CDH11: variants seen among roughly 807,000 people sequenced by gnomAD.
The protein encoded by CDH11 is cadherin-11.
In CDH11, 11 loss-of-function variants were observed where a neutral mutation model predicts 67.8. The ratio of observed to expected loss-of-function variants is 0.16; its 90% confidence interval spans 0.10 to 0.27. The LOEUF (loss-of-function observed/expected upper bound fraction) is 0.27, where lower values mean the gene tolerates loss of function less well. Ranked by LOEUF, CDH11 falls within the 10% of genes least tolerant of loss-of-function variation. The pLI is 1.00. For synonymous variants in CDH11, 419 were observed against 400.0 expected (o/e 1.05, Z -0.57); for missense variants, 847 against 1,031.2 (o/e 0.82, Z 2.45).
In CDH11 at chr16:64,979,574, G is replaced by T. The variant is rs183682479; in HGVS notation, c.1253+2474C>A. ...AGCTATAATGAAAAGAGGCAAAAAA[G>T]TGTTGGTGAGAATGTGGAGAAACTG... is the stretch of plus-strand genomic sequence containing the variant. On this transcript the variant is annotated intron_variant, in intron 8 of 12. Transcript: ENST00000268603. Among the ~76,000 whole-genome samples, 20 of 151,816 alleles carry T rather than the reference G, an allele frequency of 1.3e-4. 1 individual carries two copies. The highest frequency in any genetic ancestry group is 4.4e-4 in the African/African-American group (18 of 41,130).
At chr16:64,961,210 A>C (rs925442948) in intron 11 of CDH11, among the ~76,000 whole-genome samples, 3 of 152,202 alleles carry the variant, frequency 2.0e-5, no homozygotes, top group Non-Finnish European at 2.9e-5. Flanking sequence ...AGAAGCATCA[A>C]GGACGGAGAA....
intron 12 of CDH11, among the ~76,000 whole-genome samples, chr16:64,949,721 T>C (rs1488252891): frequency 1.3e-5 from 2 of 152,160 alleles, no homozygotes; most frequent in Non-Finnish European, 2.9e-5. Context: ...CTACTGCGCC[T>C]GGCCCATGTC....
chr16:65,030,651 A>G lies in CDH11; in HGVS notation c.-173+23153T>C, dbSNP rs2142618163. ...AGTGGGGCCGTTTCGGCTCACTGCA[A>G]CCTCTGCCTCCAAGGCTCAAGTGAT... is the stretch of plus-strand genomic sequence containing the variant. On this transcript the variant is annotated intron_variant, in intron 2 of 12. Coordinates refer to ENST00000268603, the MANE Select transcript of CDH11 (RefSeq NM_001797.4). Among the ~76,000 whole-genome samples the G allele has an allele frequency of 1.3e-5, 2 of 152,232 alleles. 1 individual carries two copies. The highest frequency in any genetic ancestry group is 4.1e-4 in the South Asian group (2 of 4,826).
intron 2 of CDH11, among the ~76,000 whole-genome samples, chr16:65,026,076 A>C (rs1388440600): frequency 6.6e-6 from 1 of 152,166 alleles, no homozygotes; most frequent in East Asian, 1.9e-4. Context: ...TTCTGGTCAG[A>C]TGAGTCCCAG....
rs995229340 is a variant in CDH11, at chr16:65,121,599, C to A, written c.-298+281G>T. 1.3e-5 allele frequency among the ~76,000 whole-genome samples: 2 copies of A among 152,178 alleles called. No individual in the cohort carries two copies. Among genetic ancestry groups the A allele is most frequent in the African/African-American group, 4.8e-5 (2 of 41,458 alleles). ...CCCTCTGCTGTGGCCTCGGCGCAGACCCCACAGGAGGCCGGAGCCAGGGAG... is the reference window on the plus strand; with the variant it reads ...CCCTCTGCTGTGGCCTCGGCGCAGAACCCACAGGAGGCCGGAGCCAGGGAG... On this transcript the variant is annotated intron_variant, in intron 1 of 12. Coordinates refer to ENST00000268603, the MANE Select transcript of CDH11 (RefSeq NM_001797.4). This position sits in a 1 kb window ranked among gnomAD's most constrained non-coding sequence, Gnocchi z 4.1.
intron 12 of CDH11, chr16:64,948,811 T>G (rs1395172657): frequency 6.5e-7 from 1 of 1,532,226 alleles, no homozygotes; most frequent in Non-Finnish European, 8.8e-7. Context: ...TCAGAGTCAT[T>G]TATAAGGAAA....
rs139049824 is a variant in CDH11 at position 64,963,474 on chromosome 16, T to C, written c.1642+8105A>G. ...AAGAACTGTGAAACTATAAAAGGTGTAATATATATGTGATGATAATACCAG... is the reference window on the plus strand; with the variant it reads ...AAGAACTGTGAAACTATAAAAGGTGCAATATATATGTGATGATAATACCAG... On this transcript the variant is annotated intron_variant, in intron 11 of 12. Transcript: ENST00000268603. Among the ~76,000 whole-genome samples the C allele has an allele frequency of 2.2e-3, 341 of 152,206 alleles. 3 individuals carry two copies. Among genetic ancestry groups the C allele is most frequent in the African/African-American group, 7.5e-3 (313 of 41,542 alleles).
At chr16:65,014,659 C>A (rs2073259148) in intron 2 of CDH11, among the ~76,000 whole-genome samples, 1 of 151,954 alleles carries the variant, frequency 6.6e-6, no homozygotes, top group Non-Finnish European at 1.5e-5. Context: ...TAATATGGTT[C>A]CAAACCAGAA....
At chr16:64,991,022 C>T (rs1391065276) in intron 6 of CDH11, among the ~76,000 whole-genome samples, 1 of 152,140 alleles carries the variant, frequency 6.6e-6, no homozygotes, top group Non-Finnish European at 1.5e-5. Flanking sequence ...TACATGAACT[C>T]CCCTTAGATT....
At position 65,004,722 on chromosome 16, in the gene CDH11, G is replaced by A. The variant is rs763336652; in HGVS notation, c.148C>T (p.Arg50Cys). The change falls in exon 3 of 13, where the codon CGC (arginine) becomes TGC (cysteine). Residue 50 changes from arginine (R) to cysteine (C), a missense_variant. Physicochemically the swap from Arg to Cys is radical, Grantham distance 180. Coordinates refer to ENST00000268603, the MANE Select transcript of CDH11 (RefSeq NM_001797.4). ...EKGKEGQVLQ[R>C]SKRGWVWNQF... ...TTCCAGACCCAGCCACGCTTGGAGC[G>A]CTGTAGCACCTGCCCCTCCTTGCCC... 4 of 1,613,912 alleles carry A rather than the reference G, an allele frequency of 2.5e-6. No homozygotes were observed. Among genetic ancestry groups the A allele is most frequent in the Non-Finnish European group, 3.4e-6 (4 of 1,179,994 alleles).
chr16:64,957,893 G>C (rs946271506), intron 11 of CDH11, among the ~76,000 whole-genome samples: 3 of 152,028 alleles, frequency 2.0e-5, no homozygotes, highest in Non-Finnish European at 4.4e-5. Context: ...CAATCCAAGG[G>C]ACTGAAATAA....
At chr16:65,119,934 A>C (rs1347647759) in intron 1 of CDH11, among the ~76,000 whole-genome samples, 2 of 152,162 alleles carry the variant, frequency 1.3e-5, no homozygotes, top group Non-Finnish European at 2.9e-5. Flanking sequence ...AGTTTTTCAC[A>C]GAGGTTCGAA....
intron 6 of CDH11, among the ~76,000 whole-genome samples, chr16:64,990,370 C>T (rs1310134109): frequency 1.3e-5 from 2 of 151,426 alleles, no homozygotes; most frequent in Non-Finnish European, 2.9e-5. Flanking sequence ...CTTTGAGTAA[C>T]CACAGTGCCT....
In CDH11 at chr16:65,014,043, G is replaced by A. The variant is rs115618610; in HGVS notation, c.-172-9002C>T. Among the ~76,000 whole-genome samples, 838 of 152,226 alleles carry A rather than the reference G, an allele frequency of 5.5e-3. 11 individuals carry two copies. Among genetic ancestry groups the A allele is most frequent in the African/African-American group, 0.019 (777 of 41,530 alleles). On this transcript the variant is annotated intron_variant, in intron 2 of 12. Coordinates refer to ENST00000268603, the MANE Select transcript of CDH11 (RefSeq NM_001797.4). ...CCACAGCAGGTAATTAAGAAGATGAGTTAAGAGTTTTGTTTATTCAACAAG... is the reference window on the plus strand; with the variant it reads ...CCACAGCAGGTAATTAAGAAGATGAATTAAGAGTTTTGTTTATTCAACAAG...
intron 1 of CDH11, among the ~76,000 whole-genome samples, chr16:65,092,318 A>T (rs1232006469): frequency 2.6e-5 from 4 of 152,210 alleles, no homozygotes; most frequent in Non-Finnish European, 5.9e-5. Flanking sequence ...GATGAGAATT[A>T]AAAATTCTGG....
intron 1 of CDH11, among the ~76,000 whole-genome samples, chr16:65,100,467 G>T (rs1403125795): frequency 2.6e-5 from 4 of 152,058 alleles, no homozygotes; most frequent in African/African-American, 4.8e-5. Flanking sequence ...GGCTGGACAT[G>T]GTGGCTCACG....
At position 64,998,631 on chromosome 16, in the gene CDH11, T is replaced by C. The variant is rs1029898678; in HGVS notation, c.454A>G (p.Ile152Val). ...AGGAACTCCGGAGGGTTGTCATTAA[T>C]GTCCTGGACCTTGACAATGAATTCC... is the stretch of plus-strand genomic sequence containing the variant. ...PSEFIVKVQD[I>V]NDNPPEFLHE... Residue 152 changes from isoleucine to valine, a missense_variant, in exon 4 of 13, where the codon ATT becomes GTT. Ile to Val is a conservative substitution (Grantham distance 29, BLOSUM62 3). This residue lies in a region of CDH11 where 235 missense variants were observed against 352.5 expected (regional missense o/e 0.67). Coordinates refer to ENST00000268603, the MANE Select transcript of CDH11 (RefSeq NM_001797.4). The C allele has an allele frequency of 3.1e-6, 5 of 1,613,998 alleles. No individual in the cohort carries two copies. Among genetic ancestry groups the C allele is most frequent in the Non-Finnish European group, 4.2e-6 (5 of 1,180,034 alleles).
chr16:65,116,157 A>C (rs141176216), intron 1 of CDH11, among the ~76,000 whole-genome samples: 1 of 152,308 alleles, frequency 6.6e-6, no homozygotes, highest in East Asian at 1.9e-4. Flanking sequence ...TTTATGGGTA[A>C]AACATTGCCA....
At chr16:65,040,133 T>C (rs548527755) in intron 2 of CDH11, among the ~76,000 whole-genome samples, 9 of 152,310 alleles carry the variant, frequency 5.9e-5, no homozygotes, top group Non-Finnish European at 1.3e-4. Flanking sequence ...CAACCATTGT[T>C]GAAGTCAGTG....
Sources: allele counts gnomAD v4.1 joint callset (sites outside exome capture counted in the v4.1 genomes callset), GRCh38; gene constraint gnomAD v4.1.1; regional missense constraint gnomAD v4.1.1; non-coding constraint Gnocchi (gnomAD v3.1); transcripts MANE v1.5; gene names NCBI Gene and HGNC (gene_info 2026-07-23, HGNC 2026-07-21).